The following SEMA3E variants were observed in gnomAD, a reference collection of about 807,000 sequenced individuals.
The protein encoded by SEMA3E is semaphorin 3E.
SEMA3E carries 49 observed loss-of-function variants against 93.6 expected under a neutral mutation model. The observed-to-expected ratio is 0.52, with a 90% CI of 0.42 to 0.66. The LOEUF is 0.66. SEMA3E is among the 30% of genes least tolerant of loss of function. SEMA3E has a pLI of 0.00. For synonymous variants in SEMA3E, 363 were observed against 330.7 expected (o/e 1.10, Z -1.06); for missense variants, 906 against 964.8 (o/e 0.94, Z 0.81).
intron 1 of SEMA3E, among the ~76,000 whole-genome samples, chr7:83,555,136 C>T (rs1283384063): frequency 6.6e-6 from 1 of 152,008 alleles, no homozygotes; most frequent in East Asian, 1.9e-4. Flanking sequence ...GCTTTTCTTA[C>T]TATTATTTAT....
chr7:83,413,046 T>C (rs895974359), intron 5 of SEMA3E, among the ~76,000 whole-genome samples: 4 of 152,158 alleles, frequency 2.6e-5, no homozygotes, highest in African/African-American at 9.6e-5. Context: ...AGACAATCAT[T>C]TGACTCTTTG....
intron 1 of SEMA3E, among the ~76,000 whole-genome samples, chr7:83,605,767 T>G (rs1199688363): frequency 6.6e-6 from 1 of 152,082 alleles, no homozygotes; most frequent in Non-Finnish European, 1.5e-5. Flanking sequence ...CTGTTCATAT[T>G]CTTTGCCCAC....
intron 1 of SEMA3E, among the ~76,000 whole-genome samples, chr7:83,536,220 T>G (rs1355288739): frequency 1.3e-5 from 2 of 152,122 alleles, no homozygotes; most frequent in Non-Finnish European, 2.9e-5. Context: ...TTTTAATGAA[T>G]TGACCAAATA....
chr7:83,390,710 C>T (rs1461569561), intron 14 of SEMA3E, among the ~76,000 whole-genome samples: 1 of 152,156 alleles, frequency 6.6e-6, no homozygotes, highest in Non-Finnish European at 1.5e-5. Flanking sequence ...AATTTGACAG[C>T]ACTGAAAGAT....
rs375616360 is a variant in SEMA3E at position 83,575,791 on chromosome 7, A to G, written c.115+72637T>C. Reference sequence around the variant, plus strand: ...ATCTTAACATTTTTATTGTGTTTATAAGGAAAAATACCAATTCATAACTCC... The same window carrying G: ...ATCTTAACATTTTTATTGTGTTTATGAGGAAAAATACCAATTCATAACTCC... On this transcript the variant is annotated intron_variant, in intron 1 of 16. Transcript: ENST00000643230. 1.3e-3 allele frequency among the ~76,000 whole-genome samples: 198 copies of G among 152,326 alleles called. 2 individuals carry two copies. The Middle Eastern group carries it at 0.034, about 26-fold the overall frequency.
At chr7:83,558,625 T>A (rs776887718) in intron 1 of SEMA3E, among the ~76,000 whole-genome samples, 3 of 152,068 alleles carry the variant, frequency 2.0e-5, no homozygotes. Context: ...AAAATTATGG[T>A]TACATTTCAG....
chr7:83,610,007 C>A (rs576466879), intron 1 of SEMA3E, among the ~76,000 whole-genome samples: 1 of 151,782 alleles, frequency 6.6e-6, no homozygotes, highest in South Asian at 2.1e-4. Context: ...AAAATAAAAT[C>A]AAAATATTTC....
At chr7:83,602,861 C>A (rs1004165475) in intron 1 of SEMA3E, among the ~76,000 whole-genome samples, 59 of 152,208 alleles carry the variant, frequency 3.9e-4, no homozygotes, top group Admixed American at 5.2e-4. Context: ...TGTAGTAATA[C>A]AATTTGCCCA....
At chr7:83,503,949 C>T (rs1329812379) in intron 1 of SEMA3E, among the ~76,000 whole-genome samples, 2 of 152,106 alleles carry the variant, frequency 1.3e-5, no homozygotes, top group Non-Finnish European at 2.9e-5. Context: ...GCAAAATAGC[C>T]TCTACATTTT....
chr7:83,568,311 A>C (rs1792206200), intron 1 of SEMA3E, among the ~76,000 whole-genome samples: 1 of 152,036 alleles, frequency 6.6e-6, no homozygotes, highest in Non-Finnish European at 1.5e-5. Context: ...TAAAGAACTA[A>C]CCCATATTTC....
At chr7:83,579,598 T>A (rs172550) in intron 1 of SEMA3E, among the ~76,000 whole-genome samples, 71,609 of 151,884 alleles carry the variant, frequency 0.47, 19,473 homozygotes, top group African/African-American at 0.76. Flanking sequence ...AAGGAAAAAG[T>A]AAATGTTATT....
chr7:83,502,529 T>G (rs1790615727), intron 1 of SEMA3E, among the ~76,000 whole-genome samples: 1 of 152,034 alleles, frequency 6.6e-6, no homozygotes, highest in Admixed American at 6.6e-5. Flanking sequence ...TGTTGGCTCC[T>G]CCTCTCATCT....
intron 16 of SEMA3E, 50 bp from the exon 17 acceptor site, chr7:83,368,088 A>T: frequency 6.6e-7 from 1 of 1,522,684 alleles, no homozygotes; most frequent in Non-Finnish European, 9.1e-7. Context: ...GAGAGAAAAT[A>T]ACAATCCATC....
chr7:83,508,199 T>A (rs1790742840), intron 1 of SEMA3E, among the ~76,000 whole-genome samples: 1 of 152,088 alleles, frequency 6.6e-6, no homozygotes, highest in African/African-American at 2.4e-5. Context: ...ATCTTTTTAG[T>A]GTGAACATTC....
chr7:83,511,528 C>T (rs189943131), intron 1 of SEMA3E, among the ~76,000 whole-genome samples: 1 of 152,090 alleles, frequency 6.6e-6, no homozygotes, highest in Admixed American at 6.6e-5. Context: ...ATCAAATCTC[C>T]ATTCAGAATT....
Position 83,366,312 on chromosome 7 carries a change from G to T in SEMA3E, c.*1274C>A, listed in dbSNP as rs779359389. ...GGTAATTGCTAAATATTTAATAGAA[G>T]AAGGAAAGACTTTGATAAATAAACA... On this transcript the variant is annotated 3_prime_UTR_variant, in exon 17 of 17. Coordinates refer to ENST00000643230, the MANE Select transcript of SEMA3E (RefSeq NM_012431.3). The T allele has an allele frequency of 6.6e-6, 1 of 151,972 alleles. No individual in the cohort carries two copies. Among genetic ancestry groups the T allele is most frequent in the Non-Finnish European group, 1.5e-5 (1 of 67,882 alleles). 9.4% of individuals were successfully genotyped at this position (151,972 alleles called of 1,614,324 possible).
intron 1 of SEMA3E, among the ~76,000 whole-genome samples, chr7:83,526,238 G>A (rs1261235810): frequency 5.9e-5 from 9 of 152,012 alleles, no homozygotes; most frequent in Non-Finnish European, 1.2e-4. Context: ...TACAAATCAA[G>A]GCTCTTTCTT....
At chr7:83,407,320 T>G in intron 6 of SEMA3E, 81 bp from the exon 7 acceptor site, 1 of 1,161,376 alleles carries the variant, frequency 8.6e-7, no homozygotes, top group Non-Finnish European at 1.3e-6. Context: ...AAATTGTATA[T>G]CATCTGAATC....
chr7:83,440,865 T>C (rs888186381), intron 4 of SEMA3E, among the ~76,000 whole-genome samples: 2 of 150,862 alleles, frequency 1.3e-5, no homozygotes, highest in African/African-American at 2.4e-5. Context: ...CCAGATGGAT[T>C]GTAACCAAAC....
Sources: gnomAD v4.1 joint callset for allele counts (sites outside exome capture counted in the v4.1 genomes callset) on GRCh38, gnomAD v4.1.1 for gene constraint, MANE v1.5 for transcripts, NCBI Gene and HGNC (gene_info 2026-07-23, HGNC 2026-07-21) for gene names.